The following NALCN variants were observed in gnomAD, a reference collection of about 807,000 sequenced individuals.
NALCN encodes the protein sodium leak channel, non-selective.
In NALCN, 111 loss-of-function variants were observed where a neutral mutation model predicts 225.3. The ratio of observed to expected loss-of-function variants is 0.49; its 90% CI spans 0.42 to 0.58. The LOEUF (loss-of-function observed/expected upper bound fraction) is 0.58, where lower values mean the gene tolerates loss of function less well. Among genes scored for constraint, NALCN ranks in the 20% least tolerant of loss-of-function variants. The pLI, the probability that NALCN is intolerant of heterozygous loss-of-function variation, is 0.00. For synonymous variants in NALCN, 764 were observed against 769.0 expected (o/e 0.99, Z 0.11); for missense variants, 1,378 against 2,202.4 (o/e 0.63, Z 7.49).
chr13:101,236,877 C>T (rs982770962), intron 12 of NALCN, among the ~76,000 whole-genome samples: 1 of 150,224 alleles, frequency 6.7e-6, no homozygotes, highest in African/African-American at 2.5e-5. Flanking sequence ...AACTAACCTG[C>T]ACATTGTGCA....
chr13:101,329,357 T>C (rs1254382492), intron 7 of NALCN, among the ~76,000 whole-genome samples: 2 of 152,176 alleles, frequency 1.3e-5, no homozygotes, highest in African/African-American at 2.4e-5. Context: ...GCAATTAATA[T>C]TAAGAAGCTT....
intron 17 of NALCN, among the ~76,000 whole-genome samples, chr13:101,135,429 C>T (rs1431359919): frequency 2.0e-5 from 3 of 152,118 alleles, no homozygotes; most frequent in African/African-American, 4.8e-5. Flanking sequence ...GACGGAGTCT[C>T]GCTGTATCGC....
chr13:101,134,694 T>C (rs1306703873), intron 17 of NALCN, among the ~76,000 whole-genome samples: 1 of 152,166 alleles, frequency 6.6e-6, no homozygotes, highest in Non-Finnish European at 1.5e-5. Context: ...AACTAAACAA[T>C]TTAAAACTTA....
intron 7 of NALCN, among the ~76,000 whole-genome samples, chr13:101,333,010 C>T (rs139103448): frequency 1.6e-3 from 245 of 152,262 alleles, no homozygotes; most frequent in Middle Eastern, 0.01. Context: ...TGTTTGAGGG[C>T]TGTTCATATT....
intron 10 of NALCN, among the ~76,000 whole-genome samples, chr13:101,271,415 A>G (rs972372836): frequency 2.6e-5 from 4 of 152,078 alleles, no homozygotes; most frequent in Non-Finnish European, 4.4e-5. Flanking sequence ...CAAAATTACA[A>G]TAGGCCTTTT....
At chr13:101,410,185 C>A (rs549509443) in intron 1 of NALCN, among the ~76,000 whole-genome samples, 6 of 152,196 alleles carry the variant, frequency 3.9e-5, no homozygotes, top group Non-Finnish European at 8.8e-5. Context: ...CAAGCTGAGG[C>A]CTCCTTCACC....
At chr13:101,107,281 T>C (rs1435232267) in intron 22 of NALCN, among the ~76,000 whole-genome samples, 2 of 152,248 alleles carry the variant, frequency 1.3e-5, no homozygotes, top group African/African-American at 2.4e-5. Context: ...GTTTTATCAA[T>C]GCGAGTTTTC....
intron 10 of NALCN, 26 bp from the exon 11 acceptor site, chr13:101,258,600 T>C: frequency 1.9e-6 from 3 of 1,613,924 alleles, no homozygotes; most frequent in South Asian, 1.1e-5. Context: ...AGACAGACTC[T>C]TAACAAAGAA....
chr13:101,255,048 C>T (rs1186490540), intron 11 of NALCN, among the ~76,000 whole-genome samples: 1 of 152,108 alleles, frequency 6.6e-6, no homozygotes, highest in Non-Finnish European at 1.5e-5. Flanking sequence ...TCCTCCCACA[C>T]CCTTTCTTAT....
intron 37 of NALCN, among the ~76,000 whole-genome samples, chr13:101,073,146 ATACTT>A (rs1329978823): frequency 3.9e-5 from 6 of 152,192 alleles, no homozygotes; most frequent in African/African-American, 1.4e-4. Flanking sequence ...AGTATAAAGT[ATACTT>A]TATAGTATAA....
At chr13:101,138,803 A>T (rs111717740) in intron 17 of NALCN, among the ~76,000 whole-genome samples, 1 of 152,214 alleles carries the variant, frequency 6.6e-6, no homozygotes, top group African/African-American at 2.4e-5. Context: ...ATTAATCACC[A>T]CTCTGCTTAA....
intron 10 of NALCN, among the ~76,000 whole-genome samples, chr13:101,280,765 G>A (rs1004628343): frequency 1.3e-5 from 2 of 151,936 alleles, no homozygotes; most frequent in African/African-American, 2.4e-5. Context: ...ACATCCCTAT[G>A]TTCTCTGAAT....
chr13:101,113,376 T>C (rs1473791571), intron 18 of NALCN, among the ~76,000 whole-genome samples: 1 of 152,168 alleles, frequency 6.6e-6, no homozygotes, highest in African/African-American at 2.4e-5. Context: ...ATTCCCATGA[T>C]AGGACGTTTC....
chr13:101,138,693 C>A (rs2036921030), intron 17 of NALCN, among the ~76,000 whole-genome samples: 2 of 152,218 alleles, frequency 1.3e-5, no homozygotes, highest in South Asian at 2.1e-4. Flanking sequence ...GACTCAACCA[C>A]AGGTGAGACC....
intron 13 of NALCN, among the ~76,000 whole-genome samples, chr13:101,193,631 C>T (rs1376729966): frequency 6.6e-6 from 1 of 152,074 alleles, no homozygotes; most frequent in African/African-American, 2.4e-5. Context: ...TCACCAAGGG[C>T]AATATACTAT....
chr13:101,178,913 A>G (rs936508687), intron 14 of NALCN, among the ~76,000 whole-genome samples: 2 of 152,174 alleles, frequency 1.3e-5, no homozygotes, highest in Non-Finnish European at 2.9e-5. Context: ...TTTCAATAAT[A>G]AAACTGGGCT....
chr13:101,379,972 T>C (rs1192001234), intron 3 of NALCN, among the ~76,000 whole-genome samples: 1 of 152,070 alleles, frequency 6.6e-6, no homozygotes, highest in Non-Finnish European at 1.5e-5. Flanking sequence ...TATTGGGAGA[T>C]TTCAACACCT....
intron 14 of NALCN, among the ~76,000 whole-genome samples, chr13:101,184,795 T>C (rs1482962668): frequency 6.6e-6 from 1 of 152,202 alleles, no homozygotes; most frequent in Non-Finnish European, 1.5e-5. Context: ...CAGCAACATA[T>C]CCTATTTTAC....
intron 12 of NALCN, among the ~76,000 whole-genome samples, chr13:101,235,194 G>C (rs1410376561): frequency 6.6e-6 from 1 of 151,796 alleles, no homozygotes; most frequent in Non-Finnish European, 1.5e-5. Flanking sequence ...TTAAATTCGC[G>C]TTATGACTTA....
Sources: gnomAD v4.1 joint callset for allele counts (sites outside exome capture counted in the v4.1 genomes callset) on GRCh38, gnomAD v4.1.1 for gene constraint, MANE v1.5 for transcripts, NCBI Gene and HGNC (gene_info 2026-07-23, HGNC 2026-07-21) for gene names.